RPS6KA5: variants seen among roughly 807,000 people sequenced by gnomAD.
RPS6KA5 encodes ribosomal protein S6 kinase alpha-5.
Under a neutral mutation model 85.5 loss-of-function variants are expected in RPS6KA5, and 27 were observed. The observed-to-expected ratio is 0.32, with a 90% CI of 0.23 to 0.44. The LOEUF is 0.44. RPS6KA5 is among the 20% of genes least tolerant of loss of function. The pLI is 1.00. For missense variants in RPS6KA5, 811 were observed against 980.9 expected (o/e 0.83, Z 2.31); for synonymous variants, 334 against 348.2 (o/e 0.96, Z 0.46).
chr14:90,884,177 T>C (rs1401477324), intron 14 of RPS6KA5, among the ~76,000 whole-genome samples: 1 of 152,158 alleles, frequency 6.6e-6, no homozygotes. Flanking sequence ...GAGGACAAGG[T>C]CCTTTTTGCC....
chr14:91,053,613 A>C (rs1166753346), intron 1 of RPS6KA5, among the ~76,000 whole-genome samples: 1 of 152,216 alleles, frequency 6.6e-6, no homozygotes, highest in Non-Finnish European at 1.5e-5. Flanking sequence ...AAATAAATAA[A>C]TAATAAAATA....
chr14:91,011,341 T>G (rs2041248556), intron 1 of RPS6KA5, among the ~76,000 whole-genome samples: 1 of 151,656 alleles, frequency 6.6e-6, no homozygotes, highest in African/African-American at 2.4e-5. Context: ...CAAAAATTAG[T>G]CAGGTGTGGT....
intron 7 of RPS6KA5, among the ~76,000 whole-genome samples, chr14:90,910,800 C>G (rs1367104021): frequency 5.3e-5 from 8 of 152,020 alleles, no homozygotes; most frequent in Non-Finnish European, 1.2e-4. Flanking sequence ...ATCCTCCTGC[C>G]TCAGCCTCCT....
intron 2 of RPS6KA5, among the ~76,000 whole-genome samples, chr14:90,996,301 T>A (rs1297149880): frequency 1.3e-5 from 2 of 152,044 alleles, no homozygotes; most frequent in East Asian, 3.9e-4. Context: ...CCTCTCAAAG[T>A]GCTGAGATTA....
chr14:91,032,672 A>C (rs1192954383), intron 1 of RPS6KA5, among the ~76,000 whole-genome samples: 2 of 152,314 alleles, frequency 1.3e-5, no homozygotes, highest in East Asian at 3.9e-4. Flanking sequence ...TTTTAACAGG[A>C]ATATATAGTC....
intron 3 of RPS6KA5, among the ~76,000 whole-genome samples, chr14:90,963,011 T>C (rs569940639): frequency 1.4e-4 from 22 of 152,186 alleles, no homozygotes; most frequent in Non-Finnish European, 2.6e-4. Flanking sequence ...TATTCAAATT[T>C]GGCCATTTAC....
At chr14:91,026,943 T>C (rs2042011305) in intron 1 of RPS6KA5, among the ~76,000 whole-genome samples, 1 of 152,246 alleles carries the variant, frequency 6.6e-6, no homozygotes, top group Non-Finnish European at 1.5e-5. Flanking sequence ...CGTCTGTTCA[T>C]GTGTTTTCCG....
At chr14:90,956,730 T>C (rs1178185923) in intron 3 of RPS6KA5, among the ~76,000 whole-genome samples, 1 of 151,958 alleles carries the variant, frequency 6.6e-6, no homozygotes, top group African/African-American at 2.4e-5. Context: ...TATTAACTTA[T>C]CATAACAGCT....
intron 1 of RPS6KA5, among the ~76,000 whole-genome samples, chr14:91,019,597 T>TAC (rs2041657119): frequency 6.6e-6 from 1 of 152,184 alleles, no homozygotes; most frequent in South Asian, 2.1e-4. Flanking sequence ...TTTATATTTA[T>TAC]ACACACACAC....
chr14:90,992,676 G>A (rs192134119), intron 2 of RPS6KA5, among the ~76,000 whole-genome samples: 5 of 152,308 alleles, frequency 3.3e-5, no homozygotes, highest in African/African-American at 1.2e-4. Flanking sequence ...TTCTGAAAGA[G>A]TTTGTGGAAG....
intron 2 of RPS6KA5, among the ~76,000 whole-genome samples, chr14:90,995,862 T>C (rs2040494476): frequency 6.6e-6 from 1 of 152,104 alleles, no homozygotes; most frequent in South Asian, 2.1e-4. Context: ...GGAGGATTAC[T>C]TGGGCCCAGG....
chr14:90,880,205 A>G (rs1161797757), intron 14 of RPS6KA5, among the ~76,000 whole-genome samples: 1 of 152,192 alleles, frequency 6.6e-6, no homozygotes, highest in African/African-American at 2.4e-5. Context: ...ACGGTATGCA[A>G]CCATCATCAC....
chr14:90,998,808 G>A (rs1045275433), intron 2 of RPS6KA5, among the ~76,000 whole-genome samples: 5 of 152,164 alleles, frequency 3.3e-5, no homozygotes, highest in African/African-American at 1.2e-4. Flanking sequence ...TTCACTGGTA[G>A]CTGTAAAGAT....
intron 1 of RPS6KA5, among the ~76,000 whole-genome samples, chr14:91,005,510 T>G (rs960893687): frequency 3.9e-5 from 6 of 152,192 alleles, no homozygotes; most frequent in African/African-American, 7.2e-5. Flanking sequence ...GTATCATATT[T>G]AGGCATGGGG....
At chr14:90,894,942 G>A (rs968121346) in intron 12 of RPS6KA5, among the ~76,000 whole-genome samples, 18 of 152,114 alleles carry the variant, frequency 1.2e-4, no homozygotes, top group Non-Finnish European at 2.2e-4. Context: ...CAGGCCTCCC[G>A]ATGAGCTGGG....
intron 3 of RPS6KA5, among the ~76,000 whole-genome samples, chr14:90,954,964 G>A (rs77364643): frequency 0.033 from 4,980 of 151,916 alleles, 274 homozygotes; most frequent in African/African-American, 0.12. Flanking sequence ...TCTTGATTTT[G>A]CCAATTTGAG....
At chr14:90,900,463 GTTAA>G in intron 10 of RPS6KA5, 144 bp downstream of exon 10, 1 of 773,398 alleles carries the variant, frequency 1.3e-6, no homozygotes, top group Non-Finnish European at 1.9e-6. Flanking sequence ...TCAACTTGAC[GTTAA>G]TTCTCTAGGG....
rs191388481 is a variant in RPS6KA5 at position 90,871,567 on chromosome 14, A to C, written c.*507T>G. On this transcript the variant is annotated 3_prime_UTR_variant, in exon 17 of 17. Coordinates refer to ENST00000614987, the MANE Select transcript of RPS6KA5 (RefSeq NM_004755.4). ...CATATGTAACCATAAAATAAAAACAATAAGTTAAAATCTTCTCTCAAGAAA... is the reference window on the plus strand; with the variant it reads ...CATATGTAACCATAAAATAAAAACACTAAGTTAAAATCTTCTCTCAAGAAA... The C allele has an allele frequency of 2.6e-5, 4 of 152,284 alleles. No homozygotes were observed. Among genetic ancestry groups the C allele is most frequent in the Admixed American group, 2.6e-4 (4 of 15,302 alleles). The allele number at this position is 152,284 out of a possible 1,614,324, so 9.4% of individuals were successfully genotyped here. A position where few individuals can be genotyped will look rare whatever the true frequency, so the allele number is the denominator to read the frequency against.
chr14:90,950,266 T>C (rs1296483695), intron 3 of RPS6KA5, among the ~76,000 whole-genome samples: 1 of 152,248 alleles, frequency 6.6e-6, no homozygotes, highest in Non-Finnish European at 1.5e-5. Context: ...TTTTTGTATG[T>C]TGATCTTACA....
Sources: gnomAD v4.1 joint callset for allele counts (sites outside exome capture counted in the v4.1 genomes callset) on GRCh38, gnomAD v4.1.1 for gene constraint, MANE v1.5 for transcripts, NCBI Gene and HGNC (gene_info 2026-07-23, HGNC 2026-07-21) for gene names.